Variants in ATF7 observed in about 807,000 individuals in gnomAD.
ATF7 encodes activating transcription factor 7, also known as cyclic AMP-dependent transcription factor ATF-7.
In ATF7, 10 loss-of-function variants were observed where a neutral mutation model predicts 50.4. The ratio of observed to expected loss-of-function variants is 0.20; its 90% CI spans 0.12 to 0.34. ATF7 has a LOEUF of 0.34. ATF7 is among the 10% of genes least tolerant of loss of function. ATF7 has a pLI of 1.00. For synonymous variants in ATF7, 201 were observed against 226.4 expected, an observed-to-expected ratio of 0.89 and a Z score of 1.01; for missense variants, 465 against 613.9, an observed-to-expected ratio of 0.76 and a Z score of 2.56.
downstream of ATF7, among the ~76,000 whole-genome samples, chr12:53,510,588 T>A (rs1944111324): frequency 1.3e-5 from 2 of 152,238 alleles, no homozygotes; most frequent in South Asian, 4.1e-4. Flanking sequence ...TAAAATGAAG[T>A]GACTACTCCT....
chr12:53,609,346 G>T (rs1437133339), intron 1 of ATF7, among the ~76,000 whole-genome samples: 2 of 151,534 alleles, frequency 1.3e-5, no homozygotes, highest in Non-Finnish European at 2.9e-5. Context: ...TAGAGACGGG[G>T]TTTCTCCATG....
chr12:53,620,127 G>C (rs1944314704), intron 1 of ATF7, among the ~76,000 whole-genome samples: 1 of 151,880 alleles, frequency 6.6e-6, no homozygotes, highest in Non-Finnish European at 1.5e-5. Flanking sequence ...CTGGGCAACA[G>C]AGTAAGACCC....
At chr12:53,595,412 C>T (rs1335693375) in intron 2 of ATF7, among the ~76,000 whole-genome samples, 1 of 152,110 alleles carries the variant, frequency 6.6e-6, no homozygotes, top group East Asian at 1.9e-4. Flanking sequence ...GGCAACTTGC[C>T]AAAGGGACAG....
intron 9 of ATF7, among the ~76,000 whole-genome samples, chr12:53,526,902 T>C (rs1232903371): frequency 6.6e-6 from 1 of 150,998 alleles, no homozygotes; most frequent in African/African-American, 2.4e-5. Context: ...CTCACGCCTG[T>C]AATCCCAGCA....
Position 53,523,281 on chromosome 12 carries a change from T to G in ATF7, c.1229A>C (p.Tyr410Ser), listed in dbSNP as rs1376138037. Residue 410 changes from tyrosine to serine, a missense_variant, in exon 11 of 12, where the codon TAT (tyrosine) becomes TCT (serine). By Grantham distance (144) the Tyr-to-Ser change is moderately radical (BLOSUM62 -2). Coordinates refer to ENST00000420353, the MANE Select transcript of ATF7 (RefSeq NM_006856.3). Reference sequence around the variant, plus strand: ...TTAGGTTGTGTGCCACTCACCTAAATAGCCTTGAGTCTTTTTCTGTAGTGC... The same window carrying G: ...TTAGGTTGTGTGCCACTCACCTAAAGAGCCTTGAGTCTTTTTCTGTAGTGC... ...VTALQKKTQG[Y>S]LESPKESSEP... is the part of the protein sequence containing the mutation. 3 of 1,609,870 alleles carry G rather than the reference T, an allele frequency of 1.9e-6. No individual in the cohort carries two copies. Among genetic ancestry groups the G allele is most frequent in the Non-Finnish European group, 1.7e-6 (2 of 1,176,314 alleles).
chr12:53,554,292 G>T (rs994804723), intron 2 of ATF7, among the ~76,000 whole-genome samples: 3 of 151,706 alleles, frequency 2.0e-5, no homozygotes, highest in Non-Finnish European at 2.9e-5. Context: ...CACCATGCCC[G>T]GCTAATTTTT....
At chr12:53,615,673 A>G (rs1176515643) in intron 1 of ATF7, among the ~76,000 whole-genome samples, 1 of 152,142 alleles carries the variant, frequency 6.6e-6, no homozygotes, top group African/African-American at 2.4e-5. Context: ...CAGGAGTTTT[A>G]GATCCCTGGG....
At chr12:53,542,224 G>A (rs1184428484) in intron 4 of ATF7, among the ~76,000 whole-genome samples, 1 of 150,492 alleles carries the variant, frequency 6.6e-6, no homozygotes, top group African/African-American at 2.4e-5. Flanking sequence ...AGGAGATCGA[G>A]ACCATCCTGG....
intron 2 of ATF7, chr12:53,574,889 GC>G: frequency 2.9e-6 from 1 of 347,166 alleles, no homozygotes; most frequent in South Asian, 2.7e-5. Flanking sequence ...ATTCAAGTGT[GC>G]AGAGGGTGAG....
At position 53,533,172 on chromosome 12, in the gene ATF7, C is replaced by T. The variant is rs745541567; in HGVS notation, c.648G>A (p.Pro216=). 6 of 1,612,212 alleles carry T rather than the reference C, an allele frequency of 3.7e-6. No homozygotes were observed. The highest frequency in any genetic ancestry group is 2.2e-5 in the South Asian group (2 of 91,026). ...CTACAGAGCTCACCGATATAACAGACGGCATCTGTACTGGAGGCCCTGGCA... is the reference window on the plus strand; with the variant it reads ...CTACAGAGCTCACCGATATAACAGATGGCATCTGTACTGGAGGCCCTGGCA... ...PVLPGPPVQM[P]SVISLARPVS... The change falls in exon 7 of 12, where the codon CCG becomes CCA. Residue 216 remains proline, a synonymous_variant. Coordinates refer to ENST00000420353, the MANE Select transcript of ATF7 (RefSeq NM_006856.3).
intron 2 of ATF7, among the ~76,000 whole-genome samples, chr12:53,571,981 C>T (rs765789005): frequency 2.6e-5 from 4 of 151,814 alleles, no homozygotes; most frequent in Non-Finnish European, 2.9e-5. Flanking sequence ...GCAGGAGAAT[C>T]GCTTGAACCT....
At chr12:53,554,290 C>T (rs748384338) in intron 2 of ATF7, among the ~76,000 whole-genome samples, 11 of 151,908 alleles carry the variant, frequency 7.2e-5, no homozygotes, top group Non-Finnish European at 1.5e-4. Flanking sequence ...GCCACCATGC[C>T]CGGCTAATTT....
At chr12:53,560,936 T>C (rs1020122389) in intron 2 of ATF7, among the ~76,000 whole-genome samples, 1 of 151,298 alleles carries the variant, frequency 6.6e-6, no homozygotes, top group South Asian at 2.1e-4. Flanking sequence ...GGCTTGGTTT[T>C]TTCTTTTCTT....
At chr12:53,548,522 G>A (rs957366648) in intron 3 of ATF7, among the ~76,000 whole-genome samples, 7 of 151,330 alleles carry the variant, frequency 4.6e-5, no homozygotes, top group Non-Finnish European at 8.8e-5. Context: ...TTGTAGAGAT[G>A]GGGTCTTGCT....
chr12:53,517,553 G>A (rs1937786843), intron 11 of ATF7, 199 bp from the exon 12 acceptor site: 8 of 596,200 alleles, frequency 1.3e-5, no homozygotes, highest in Non-Finnish European at 2.4e-5. Context: ...AAGAAGGGAA[G>A]AACTAGGCCA....
At position 53,551,893 on chromosome 12, in the gene ATF7, G is replaced by T. The variant is rs148035300; in HGVS notation, c.145+648C>A. 2.0e-3 allele frequency among the ~76,000 whole-genome samples: 304 copies of T among 152,334 alleles called. 1 individual carries two copies. The highest frequency in any genetic ancestry group is 7.2e-3 in the African/African-American group (298 of 41,568). ...TGTCTGCCTAGCTGAAAATGGTACA[G>T]CAGAATTGCTGCCTGGTTTGAGAGC... On this transcript the variant is annotated intron_variant, in intron 3 of 11. Transcript: ENST00000420353.
Position 53,531,728 on chromosome 12 carries a change from AG to A in ATF7, c.927+15del. 6.2e-7 allele frequency: 1 copy of A among 1,604,878 alleles called. No individual in the cohort carries two copies. Among genetic ancestry groups the A allele is most frequent in the South Asian group, 1.1e-5 (1 of 89,434 alleles). On this transcript the variant is annotated intron_variant, in intron 9 of 11. Coordinates refer to ENST00000420353, the MANE Select transcript of ATF7 (RefSeq NM_006856.3). Reference sequence around the variant, plus strand: ...TACGTCATAAAGATATGACATAAAGAGTAAGAGCCACTGACCTGTGGCTGGG... The same window carrying A: ...TACGTCATAAAGATATGACATAAAGATAAGAGCCACTGACCTGTGGCTGGG...
intron 4 of ATF7, among the ~76,000 whole-genome samples, chr12:53,542,463 G>A (rs1324612287): frequency 6.6e-6 from 1 of 151,228 alleles, no homozygotes; most frequent in Admixed American, 6.6e-5. Context: ...GTCTCACTCT[G>A]TCACCCAGGC....
rs368805890 is a variant in ATF7 at position 53,533,149 on chromosome 12, A to T, written c.660+11T>A. The T allele has an allele frequency of 1.1e-4, 183 of 1,605,022 alleles. 4 individuals are homozygous for T. In the South Asian group the frequency reaches 1.5e-3, roughly 13 times the overall value. On this transcript the variant is annotated intron_variant, in intron 7 of 11. Transcript: ENST00000420353. ...GTTGGTAGGGTTGGCTGCCCCAACTACAGAGCTCACCGATATAACAGACGG... is the reference window on the plus strand; with the variant it reads ...GTTGGTAGGGTTGGCTGCCCCAACTTCAGAGCTCACCGATATAACAGACGG...
Sources: gnomAD v4.1 joint callset for allele counts (sites outside exome capture counted in the v4.1 genomes callset) on GRCh38, gnomAD v4.1.1 for gene constraint, MANE v1.5 for transcripts, NCBI Gene and HGNC (gene_info 2026-07-23, HGNC 2026-07-21) for gene names.